ZDHHC15: variants seen among roughly 807,000 people sequenced by gnomAD.
ZDHHC15 encodes zDHHC palmitoyltransferase 15.
Under a neutral mutation model 31.7 loss-of-function variants are expected in ZDHHC15, and 19 were observed. The observed-to-expected ratio is 0.60, with a 90% CI of 0.42 to 0.88. The LOEUF is 0.88. Among genes scored for constraint, ZDHHC15 ranks in the 40% least tolerant of loss-of-function variants. The probability of loss-of-function intolerance (pLI) is 0.00; values close to 1 mark genes in which losing one functional copy is unlikely to be tolerated. For missense variants in ZDHHC15, 209 were observed against 251.2 expected (o/e 0.83, Z 1.14); for synonymous variants, 103 against 90.0 (o/e 1.14, Z -0.82).
intron 1 of ZDHHC15, among the ~76,000 whole-genome samples, chrX:75,513,004 T>G (rs1445748242): frequency 2.0e-5 from 2 of 99,050 alleles, no homozygotes; most frequent in East Asian, 6.7e-4. Context: ...AACTATCTGA[T>G]CTTTGACAAA....
At chrX:75,495,085 A>C (rs186286591) in intron 2 of ZDHHC15, among the ~76,000 whole-genome samples, 1 of 112,078 alleles carries the variant, frequency 8.9e-6, no homozygotes, top group East Asian at 2.8e-4. Flanking sequence ...ACAAATTTTC[A>C]AGAAAAAAAA....
intron 4 of ZDHHC15, among the ~76,000 whole-genome samples, chrX:75,443,210 C>T (rs2083971920): frequency 9.1e-6 from 1 of 110,086 alleles, no homozygotes; most frequent in Admixed American, 9.7e-5. Context: ...TGACTTCAAA[C>T]TCTACTACAA....
intron 10 of ZDHHC15, among the ~76,000 whole-genome samples, chrX:75,411,491 C>T (rs1294887915): frequency 3.6e-5 from 4 of 112,565 alleles, no homozygotes; most frequent in African/African-American, 1.3e-4. Flanking sequence ...GGATTACAGG[C>T]GCGAGCCACC....
At chrX:75,503,869 G>A (rs184024067) in intron 2 of ZDHHC15, among the ~76,000 whole-genome samples, 1 of 111,247 alleles carries the variant, frequency 9.0e-6, no homozygotes, top group Non-Finnish European at 1.9e-5. Context: ...AATGCCCAGG[G>A]GAGTATCCTT....
At chrX:75,413,275 G>A (rs1027224937) in intron 10 of ZDHHC15, among the ~76,000 whole-genome samples, 1 of 112,002 alleles carries the variant, frequency 8.9e-6, no homozygotes, top group African/African-American at 3.2e-5. Context: ...TGGAGTCTTT[G>A]TCAATGTTGC....
At chrX:75,405,337 T>G (rs988650461) in intron 10 of ZDHHC15, among the ~76,000 whole-genome samples, 5 of 110,390 alleles carry the variant, frequency 4.5e-5, no homozygotes, top group African/African-American at 1.3e-4. Context: ...TGACATGAGT[T>G]TACCTATATA....
intron 2 of ZDHHC15, among the ~76,000 whole-genome samples, chrX:75,494,278 A>T (rs905982299): frequency 9.0e-6 from 1 of 111,561 alleles, no homozygotes; most frequent in African/African-American, 3.3e-5. Flanking sequence ...TCAATGAAAT[A>T]AAAGAGGATA....
intron 3 of ZDHHC15, among the ~76,000 whole-genome samples, chrX:75,463,843 T>C (rs778451358): frequency 8.9e-6 from 1 of 112,076 alleles, no homozygotes; most frequent in East Asian, 2.8e-4. Flanking sequence ...GGTGGGACTG[T>C]AAACTAGTTC....
At chrX:75,378,116 T>A (rs2083078255) in intron 11 of ZDHHC15, among the ~76,000 whole-genome samples, 1 of 111,990 alleles carries the variant, frequency 8.9e-6, no homozygotes, top group South Asian at 3.7e-4. Flanking sequence ...ACATCACAAA[T>A]AACTCAGATT....
At chrX:75,498,106 T>A (rs2085033897) in intron 2 of ZDHHC15, among the ~76,000 whole-genome samples, 1 of 110,115 alleles carries the variant, frequency 9.1e-6, no homozygotes, top group Admixed American at 9.7e-5. Flanking sequence ...AATAATTTTG[T>A]ATTTTTTGTA....
intron 8 of ZDHHC15, among the ~76,000 whole-genome samples, chrX:75,422,350 C>T (rs1487201964): frequency 1.8e-5 from 2 of 111,624 alleles, no homozygotes; most frequent in Non-Finnish European, 3.8e-5. Context: ...TGAATCTAAG[C>T]GGCAACAACA....
At chrX:75,438,551 C>A (rs1478533526) in intron 4 of ZDHHC15, among the ~76,000 whole-genome samples, 1 of 111,120 alleles carries the variant, frequency 9.0e-6, no homozygotes, top group African/African-American at 3.3e-5. Flanking sequence ...TTATGTCAGT[C>A]CTTTTATGTT....
At chrX:75,392,185 A>T (rs1256122451) in intron 10 of ZDHHC15, among the ~76,000 whole-genome samples, 1 of 112,302 alleles carries the variant, frequency 8.9e-6, no homozygotes, top group African/African-American at 3.2e-5. Context: ...CTGCAGGCTG[A>T]GGAGCAAGGA....
intron 11 of ZDHHC15, among the ~76,000 whole-genome samples, chrX:75,374,959 T>C (rs1469596291): frequency 9.0e-6 from 1 of 111,357 alleles, no homozygotes; most frequent in Non-Finnish European, 1.9e-5. Flanking sequence ...GAGATGGATA[T>C]ATTCATTATT....
chrX:75,386,430 C>T (rs1489923369), intron 10 of ZDHHC15, among the ~76,000 whole-genome samples: 2 of 112,107 alleles, frequency 1.8e-5, no homozygotes, highest in Non-Finnish European at 3.8e-5. Flanking sequence ...ATCACATTAG[C>T]TCAAGGGAAA....
chrX:75,444,534 G>A (rs1380172044), intron 4 of ZDHHC15, among the ~76,000 whole-genome samples: 1 of 102,026 alleles, frequency 9.8e-6, no homozygotes, highest in Admixed American at 1.1e-4. Context: ...GAGTTAATGG[G>A]TGCAGCACAC....
At chrX:75,476,936 C>T (rs747596154) in intron 3 of ZDHHC15, among the ~76,000 whole-genome samples, 3 of 110,633 alleles carry the variant, frequency 2.7e-5, no homozygotes, top group South Asian at 7.5e-4. Flanking sequence ...TTTTAGATTG[C>T]TATTTATTTT....
intron 2 of ZDHHC15, among the ~76,000 whole-genome samples, chrX:75,504,558 CA>C (rs986764322): frequency 9.0e-6 from 1 of 110,586 alleles, no homozygotes; most frequent in African/African-American, 3.3e-5. Context: ...TCCTAAGCTC[CA>C]GATCATCCCA....
intron 4 of ZDHHC15, among the ~76,000 whole-genome samples, chrX:75,449,330 T>A (rs890530153): frequency 9.1e-6 from 1 of 110,141 alleles, no homozygotes; most frequent in Non-Finnish European, 1.9e-5. Flanking sequence ...AGTCTTCAAA[T>A]AGTATTTCCT....
Sources: allele counts gnomAD v4.1 joint callset (sites outside exome capture counted in the v4.1 genomes callset), GRCh38; gene constraint gnomAD v4.1.1; transcripts MANE v1.5; gene names NCBI Gene and HGNC (gene_info 2026-07-23, HGNC 2026-07-21).